CUL1: variants seen among roughly 807,000 people sequenced by gnomAD.
CUL1 encodes the protein cullin 1.
Under a neutral mutation model 118.0 loss-of-function variants are expected in CUL1, and 24 were observed. The ratio of observed to expected loss-of-function variants is 0.20; its 90% CI spans 0.15 to 0.29. CUL1 has a LOEUF of 0.29. CUL1 is among the 10% of genes least tolerant of loss of function. The probability of loss-of-function intolerance (pLI) is 1.00; values close to 1 mark genes in which losing one functional copy is unlikely to be tolerated. For missense variants in CUL1, 361 were observed against 933.8 expected (o/e 0.39, Z 7.99); for synonymous variants, 332 against 340.4 (o/e 0.98, Z 0.27).
chr7:148,748,305 A>G (rs945385125), intron 2 of CUL1, among the ~76,000 whole-genome samples: 1 of 152,220 alleles, frequency 6.6e-6, no homozygotes, highest in Non-Finnish European at 1.5e-5. Flanking sequence ...TTTACAGTAG[A>G]CACACCAAGA....
chr7:148,784,833 G>T (rs776647527), intron 11 of CUL1, among the ~76,000 whole-genome samples: 2 of 152,100 alleles, frequency 1.3e-5, no homozygotes, highest in African/African-American at 4.8e-5. Context: ...AAAAGACCGA[G>T]AAATACCCAC....
intron 1 of CUL1, among the ~76,000 whole-genome samples, chr7:148,701,128 G>C (rs1033753856): frequency 6.6e-6 from 1 of 151,996 alleles, no homozygotes; most frequent in Non-Finnish European, 1.5e-5. Context: ...ACTTGGTTGT[G>C]GTGGTGCCTC....
At chr7:148,704,130 G>A (rs577983812) in intron 1 of CUL1, among the ~76,000 whole-genome samples, 1 of 151,512 alleles carries the variant, frequency 6.6e-6, no homozygotes, top group African/African-American at 2.4e-5. Flanking sequence ...TAAAAAGAGG[G>A]CATGTGAACA....
At chr7:148,703,374 A>C (rs10235843) in intron 1 of CUL1, among the ~76,000 whole-genome samples, 4,957 of 152,264 alleles carry the variant, frequency 0.033, 101 homozygotes, top group Admixed American at 0.053. Context: ...GCCTTGCAAA[A>C]ATTTATAAAA....
chr7:148,754,032 G>T lies in CUL1; in HGVS notation c.197G>T (p.Gly66Val). 6.2e-7 allele frequency: 1 copy of T among 1,613,872 alleles called. No homozygotes were observed. The highest frequency in any genetic ancestry group is 2.2e-5 in the East Asian group (1 of 44,882). ...VHQSNQARGA[G>V]VPPSKSKKGQ... is the part of the protein sequence containing the mutation. Reference sequence around the variant, plus strand: ...CAGTCAAACCAAGCACGAGGAGCTGGAGTTCCTCCTTCTAAGTCGAAAAAG... The same window carrying T: ...CAGTCAAACCAAGCACGAGGAGCTGTAGTTCCTCCTTCTAAGTCGAAAAAG... Residue 66 changes from glycine to valine, a missense_variant, in exon 3 of 22, where the codon GGA (glycine) becomes GTA (valine). This residue lies in a region of CUL1 where 49 missense variants were observed against 67.4 expected (regional missense o/e 0.73). Coordinates refer to ENST00000325222, the MANE Select transcript of CUL1 (RefSeq NM_003592.3).
intron 2 of CUL1, among the ~76,000 whole-genome samples, chr7:148,747,075 A>T (rs1294759308): frequency 6.6e-6 from 1 of 152,232 alleles, no homozygotes; most frequent in Non-Finnish European, 1.5e-5. Flanking sequence ...TAATTGCTGT[A>T]TCAAAAGGAA....
chr7:148,702,298 A>G (rs1166723540), intron 1 of CUL1, among the ~76,000 whole-genome samples: 2 of 152,174 alleles, frequency 1.3e-5, no homozygotes, highest in African/African-American at 4.8e-5. Context: ...GAAGTCATTT[A>G]TTTTTGCTTA....
At chr7:148,703,822 C>T (rs1324038666) in intron 1 of CUL1, among the ~76,000 whole-genome samples, 3 of 152,038 alleles carry the variant, frequency 2.0e-5, no homozygotes, top group African/African-American at 4.8e-5. Context: ...TGAGCCACTG[C>T]GCCCGGCCGT....
At chr7:148,769,338 T>C (rs896594818) in intron 9 of CUL1, among the ~76,000 whole-genome samples, 21 of 151,162 alleles carry the variant, frequency 1.4e-4, no homozygotes, top group African/African-American at 4.9e-4. Flanking sequence ...CATTTCAAAA[T>C]TACCCTTCAG....
chr7:148,751,545 A>C (rs940456595), intron 2 of CUL1, among the ~76,000 whole-genome samples: 4 of 151,640 alleles, frequency 2.6e-5, no homozygotes, highest in Admixed American at 6.6e-5. Context: ...AAAAAAAAAA[A>C]AAAAAAAAAC....
Position 148,745,085 on chromosome 7 carries a change from C to T in CUL1, c.141-8891C>T, listed in dbSNP as rs565932337. 9.9e-5 allele frequency among the ~76,000 whole-genome samples: 15 copies of T among 151,996 alleles called. No individual in the cohort carries two copies. The South Asian group carries it at 1.5e-3, about 15-fold the overall frequency. ...CTTTTTTTTCCTCTCAAGAGTTGAT[C>T]GTTTCTGTTGGTCTCTGTGCAAACC... is the stretch of plus-strand genomic sequence containing the variant. On this transcript the variant is annotated intron_variant, in intron 2 of 21. Coordinates refer to ENST00000325222, the MANE Select transcript of CUL1 (RefSeq NM_003592.3).
intron 2 of CUL1, among the ~76,000 whole-genome samples, chr7:148,734,475 C>G (rs1450469824): frequency 6.6e-6 from 1 of 152,202 alleles, no homozygotes; most frequent in African/African-American, 2.4e-5. Context: ...AACTCCTCGA[C>G]TCAAGTTATC....
chr7:148,713,910 G>C (rs1798128806), intron 1 of CUL1, among the ~76,000 whole-genome samples: 1 of 152,116 alleles, frequency 6.6e-6, no homozygotes, highest in African/African-American at 2.4e-5. Context: ...TTTTAGTAGA[G>C]ATGGGGTTTC....
chr7:148,713,098 T>C (rs1481893993), intron 1 of CUL1, among the ~76,000 whole-genome samples: 1 of 152,250 alleles, frequency 6.6e-6, no homozygotes, highest in African/African-American at 2.4e-5. Context: ...AGCCCTCAGT[T>C]TGAAAAGCAT....
intron 7 of CUL1, among the ~76,000 whole-genome samples, chr7:148,761,654 G>A (rs1415891131): frequency 2.0e-5 from 3 of 152,250 alleles, no homozygotes; most frequent in Non-Finnish European, 4.4e-5. Context: ...TTTTGCAGCT[G>A]TTCAACTCTG....
rs373288121 is a variant in CUL1, at chr7:148,787,411, G to A, written c.1479+291G>A. Among the ~76,000 whole-genome samples the A allele has an allele frequency of 2.0e-5, 3 of 151,338 alleles. No individual in the cohort carries two copies. The highest frequency in any genetic ancestry group is 2.9e-5 in the Non-Finnish European group (2 of 67,798). ...CGGGAGGCAGAGGTTGCGGTGAGCC[G>A]AGATCACACCACTACACTCCAGCCT... On this transcript the variant is annotated intron_variant, in intron 13 of 21. Transcript: ENST00000325222. This position sits in a 1 kb window ranked among gnomAD's most constrained non-coding sequence, Gnocchi z 5.5.
chr7:148,783,535 C>T, intron 9 of CUL1: 4 of 1,372,382 alleles, frequency 2.9e-6, no homozygotes, highest in East Asian at 6.6e-5. Flanking sequence ...GTTTTTAATG[C>T]AAGCTCGGAA....
intron 1 of CUL1, among the ~76,000 whole-genome samples, chr7:148,714,947 A>G (rs951173272): frequency 1.3e-5 from 2 of 152,152 alleles, no homozygotes; most frequent in Non-Finnish European, 2.9e-5. Flanking sequence ...ATGTGGTCAC[A>G]TGATCACAGT....
intron 2 of CUL1, 72 bp downstream of exon 2, chr7:148,730,334 A>C: frequency 6.9e-7 from 1 of 1,447,630 alleles, no homozygotes; most frequent in South Asian, 1.4e-5. Flanking sequence ...ATGAATTATT[A>C]GAATTTTATA....
Sources: gnomAD v4.1 joint callset for allele counts (sites outside exome capture counted in the v4.1 genomes callset) on GRCh38, gnomAD v4.1.1 for gene constraint, gnomAD v4.1.1 regional missense constraint, Gnocchi (gnomAD v3.1) non-coding constraint, MANE v1.5 for transcripts, NCBI Gene and HGNC (gene_info 2026-07-23, HGNC 2026-07-21) for gene names.